Variants in EPHA10 observed in about 807,000 individuals in gnomAD.
EPHA10 encodes ephrin type-A receptor 10.
In EPHA10, 120 loss-of-function variants were observed where a neutral mutation model predicts 109.7. The observed-to-expected ratio is 1.09, with a 90% CI of 0.94 to 1.27. The LOEUF (loss-of-function observed/expected upper bound fraction) is 1.27. Among genes scored for constraint, EPHA10 ranks in the 50% most tolerant of loss-of-function variants. The probability of loss-of-function intolerance (pLI) is 0.00; values close to 1 mark genes in which losing one functional copy is unlikely to be tolerated. For missense variants in EPHA10, 1,396 were observed against 1,411.1 expected (o/e 0.99, Z 0.17); for synonymous variants, 640 against 618.9 (o/e 1.03, Z -0.51).
rs1268474857 is a variant in EPHA10, at chr1:37,762,041, G to A, written c.214C>T (p.Arg72Cys). 5.6e-6 allele frequency: 9 copies of A among 1,609,638 alleles called. No individual in the cohort carries two copies. Among genetic ancestry groups the A allele is most frequent in the Admixed American group, 5.0e-5 (3 of 59,644 alleles). Residue 72 changes from arginine (R) to cysteine (C), a missense_variant, in exon 3 of 17, where the codon CGC (arginine) becomes TGC (cysteine). Arg to Cys is a radical substitution (Grantham distance 180). Coordinates refer to ENST00000373048, the MANE Select transcript of EPHA10 (RefSeq NM_001099439.2). The part of the protein sequence containing the change: ...SGVDEHDRPI[R>C]TYQVCNVLEP... ...AGCACATTGCACACTTGGTACGTGC[G>A]GATGGGACGGTCGTGTTCATCCACG...
intron 10 of EPHA10, chr1:37,722,062 C>A: frequency 2.1e-6 from 1 of 477,228 alleles, no homozygotes. Flanking sequence ...ACCCAGGAGG[C>A]AGAGGTTTCA....
At chr1:37,762,293 A>G (rs1646440762) in intron 2 of EPHA10, among the ~76,000 whole-genome samples, 1 of 152,192 alleles carries the variant, frequency 6.6e-6, no homozygotes, top group South Asian at 2.1e-4. Flanking sequence ...GAGCGATCTG[A>G]CCAGGTATGC....
intron 8 of EPHA10, among the ~76,000 whole-genome samples, chr1:37,726,794 G>T (rs960190306): frequency 2.0e-5 from 3 of 152,238 alleles, no homozygotes; most frequent in Non-Finnish European, 4.4e-5. Context: ...CTCCTCCGGA[G>T]AATTCTAATC....
chr1:37,752,708 G>A (rs552794916), intron 5 of EPHA10, among the ~76,000 whole-genome samples, 168 bp downstream of exon 5: 15 of 151,448 alleles, frequency 9.9e-5, no homozygotes, highest in Non-Finnish European at 1.6e-4. Context: ...ACGCTGGGGC[G>A]TCCGGGGGGG....
intron 7 of EPHA10, among the ~76,000 whole-genome samples, chr1:37,728,640 C>T (rs1645933157): frequency 6.6e-6 from 1 of 151,992 alleles, no homozygotes; most frequent in Non-Finnish European, 1.5e-5. Context: ...TCTGCAGGGG[C>T]TGGATAGAGA....
rs542027058 is a variant in EPHA10 at position 37,716,287 on chromosome 1, G to A, written c.*2085C>T. On this transcript the variant is annotated 3_prime_UTR_variant, in exon 17 of 17. Coordinates refer to ENST00000373048, the MANE Select transcript of EPHA10 (RefSeq NM_001099439.2). Reference sequence around the variant, plus strand: ...CACCGAAGTCCTGCCAACACAGCCAGGGGCCCTTCTGCAGAAACAGCTGGG... The same window carrying A: ...CACCGAAGTCCTGCCAACACAGCCAAGGGCCCTTCTGCAGAAACAGCTGGG... 335 of 254,092 alleles carry A rather than the reference G, an allele frequency of 1.3e-3. 1 individual carries two copies. Among genetic ancestry groups the A allele is most frequent in the African/African-American group, 6.7e-3 (305 of 45,656 alleles). The allele number at this position is 254,092 out of a possible 1,614,324, so 15.7% of individuals were successfully genotyped here. A position where few individuals can be genotyped will look rare whatever the true frequency, so the allele number is the denominator to read the frequency against.
intron 3 of EPHA10, chr1:37,760,455 T>A: frequency 9.5e-7 from 1 of 1,054,282 alleles, no homozygotes. Flanking sequence ...AGCACAGTGA[T>A]TGTAGTTCAG....
intron 5 of EPHA10, among the ~76,000 whole-genome samples, chr1:37,740,557 G>A (rs1479572562): frequency 1.3e-5 from 2 of 152,106 alleles, no homozygotes; most frequent in African/African-American, 2.4e-5. Context: ...CGCCCACCCC[G>A]GCCTCCCAAA....
Position 37,716,026 on chromosome 1 carries a change from A to G in EPHA10, c.*2346T>C, listed in dbSNP as rs776200773. 8.7e-6 allele frequency: 5 copies of G among 577,158 alleles called. No individual in the cohort carries two copies. The highest frequency in any genetic ancestry group is 5.7e-4 in the Middle Eastern group (2 of 3,528). The allele number at this position is 577,158 out of a possible 1,614,324, so 35.8% of individuals were successfully genotyped here. Reference sequence around the variant, plus strand: ...CATAGAGAACCCAAGAAATATAAAAACATCTCCAGAAGGAACCCCCTCCGA... The same window carrying G: ...CATAGAGAACCCAAGAAATATAAAAGCATCTCCAGAAGGAACCCCCTCCGA... On this transcript the variant is annotated 3_prime_UTR_variant, in exon 17 of 17. Coordinates refer to ENST00000373048, the MANE Select transcript of EPHA10 (RefSeq NM_001099439.2).
Position 37,761,821 on chromosome 1 carries a change from C to A in EPHA10, c.434G>T (p.Gly145Val), listed in dbSNP as rs750283398. ...GTCGATTTTGCGGGGCCGGCTGCCGCCTAGGCGGGGACGCCCACGGCCCAG... is the reference window on the plus strand; with the variant it reads ...GTCGATTTTGCGGGGCCGGCTGCCGACTAGGCGGGGACGCCCACGGCCCAG... The part of the protein sequence containing the change: ...ADLGRGRPRL[G>V]GSRPRKIDTI... Residue 145 changes from glycine (G) to valine (V), a missense_variant, in exon 3 of 17, where the codon GGC becomes GTC. Gly to Val is a moderately radical substitution (Grantham distance 109). Transcript: ENST00000373048. 27 of 1,613,712 alleles carry A rather than the reference C, an allele frequency of 1.7e-5. No homozygotes were observed. The highest frequency in any genetic ancestry group is 1.7e-5 in the Admixed American group (1 of 60,014).
Position 37,719,317 on chromosome 1 carries a change from C to A in EPHA10, c.2756+97G>T, listed in dbSNP as rs923805913. ...AATGGGGTGAACAATTGCTCTTGGACAGGTGGGGTGGTGGAGGCGGTGGGT... is the reference window on the plus strand; with the variant it reads ...AATGGGGTGAACAATTGCTCTTGGAAAGGTGGGGTGGTGGAGGCGGTGGGT... On this transcript the variant is annotated intron_variant, in intron 15 of 16. Coordinates refer to ENST00000373048, the MANE Select transcript of EPHA10 (RefSeq NM_001099439.2). The A allele has an allele frequency of 2.9e-6, 4 of 1,386,926 alleles. No individual in the cohort carries two copies. The Admixed American group carries it at 8.3e-5, about 29-fold the overall frequency. 85.9% of individuals were successfully genotyped at this position (1,386,926 alleles called of 1,614,324 possible).
chr1:37,765,043 G>T lies in EPHA10; in HGVS notation c.24C>A (p.His8Gln). The T allele has an allele frequency of 6.2e-7, 1 of 1,606,716 alleles. No homozygotes were observed. Among genetic ancestry groups the T allele is most frequent in the South Asian group, 1.1e-5 (1 of 89,950 alleles). Residue 8 changes from histidine (H) to glutamine (Q), a missense_variant, in exon 1 of 17, where the codon CAC becomes CAA. His to Gln is a conservative substitution (Grantham distance 24). Coordinates refer to ENST00000373048, the MANE Select transcript of EPHA10 (RefSeq NM_001099439.2). ...TCCGGCAGAGGAAGAGGCGCAGCGG[G>T]TGTGGACCGGCGCAGGTCTCCATGG... The part of the protein sequence containing the change: METCAGP[H>Q]PLRLFLCRMQ...
At position 37,720,484 on chromosome 1, in the gene EPHA10, T is replaced by C. The variant is rs780026931; in HGVS notation, c.2279A>G (p.Tyr760Cys). 2.5e-6 allele frequency: 4 copies of C among 1,613,536 alleles called. No individual in the cohort carries two copies. The highest frequency in any genetic ancestry group is 4.5e-5 in the East Asian group (2 of 44,878). ...GTGAACGTAGCCCATCTCTGACAGA[T>C]ACTTCATGGCTGATGCCAGCCCAGG... is the stretch of plus-strand genomic sequence containing the variant. ...LLPGLASAMK[Y>C]LSEMGYVHRG... Residue 760 changes from tyrosine to cysteine, a missense_variant, in exon 13 of 17, where the codon TAT (tyrosine) becomes TGT (cysteine). By Grantham distance (194) the Tyr-to-Cys change is radical. Transcript: ENST00000373048.
At position 37,722,057 on chromosome 1, in the gene EPHA10, G is replaced by A. The variant is rs561269293; in HGVS notation, c.1961-212C>T. On this transcript the variant is annotated intron_variant, in intron 10 of 16. Transcript: ENST00000373048. Reference sequence around the variant, plus strand: ...GAGGCAGGAAAATCACTTGAACCCAGGAGGCAGAGGTTTCAGTGAGCTGAG... The same window carrying A: ...GAGGCAGGAAAATCACTTGAACCCAAGAGGCAGAGGTTTCAGTGAGCTGAG... 1.3e-4 allele frequency: 65 copies of A among 487,772 alleles called. No homozygotes were observed. In the South Asian group the frequency reaches 1.9e-3, roughly 14 times the overall value. The allele number at this position is 487,772 out of a possible 1,614,324, so 30.2% of individuals were successfully genotyped here. A position where few individuals can be genotyped will look rare whatever the true frequency, so the allele number is the denominator to read the frequency against.
chr1:37,745,701 T>A (rs868137213), intron 5 of EPHA10, among the ~76,000 whole-genome samples: 2 of 152,122 alleles, frequency 1.3e-5, no homozygotes, highest in Middle Eastern at 3.4e-3. Flanking sequence ...AATACAAATA[T>A]TAGCCAGGCG....
chr1:37,717,885 GC>G lies in EPHA10; in HGVS notation c.*486del, dbSNP rs1432469372. 8.4e-6 allele frequency: 2 copies of G among 238,608 alleles called. No individual in the cohort carries two copies. Among genetic ancestry groups the G allele is most frequent in the Non-Finnish European group, 1.7e-5 (2 of 121,100 alleles). 14.8% of individuals were successfully genotyped at this position (238,608 alleles called of 1,614,324 possible). On this transcript the variant is annotated 3_prime_UTR_variant, in exon 17 of 17. Transcript: ENST00000373048. ...ATGCACCTCTGGCCCAGCCCCCGAC[GC>G]CTGAGCCACCAGGCAGCTGCAGTCA... is the stretch of plus-strand genomic sequence containing the variant.
chr1:37,756,036 T>C (rs1381093391), intron 3 of EPHA10, among the ~76,000 whole-genome samples: 1 of 152,140 alleles, frequency 6.6e-6, no homozygotes, highest in Admixed American at 6.5e-5. Context: ...AGGGTCCATC[T>C]TGCCCAGAGT....
rs977701541 is a variant in EPHA10 at position 37,754,234 on chromosome 1, C to T, written c.987G>A (p.Pro329=). The change falls in exon 4 of 17, where the codon CCG becomes CCA. Residue 329 remains proline (P), a synonymous_variant. Coordinates refer to ENST00000373048, the MANE Select transcript of EPHA10 (RefSeq NM_001099439.2). This position sits in a 1 kb window ranked among gnomAD's most constrained non-coding sequence, Gnocchi z 4.5. Reference sequence around the variant, plus strand: ...ACTCACGGGTGCAGGAAGCCGAGGGCGGGTCGGTGGGTGAGCGCGCATAGC... The same window carrying T: ...ACTCACGGGTGCAGGAAGCCGAGGGTGGGTCGGTGGGTGAGCGCGCATAGC... ...QDSYARSPTD[P]PSASCTRPPS... 5.4e-6 allele frequency: 7 copies of T among 1,307,866 alleles called. No individual in the cohort carries two copies. The highest frequency in any genetic ancestry group is 5.9e-6 in the Non-Finnish European group (6 of 1,022,030). The allele number at this position is 1,307,866 out of a possible 1,614,324, so 81.0% of individuals were successfully genotyped here. A position where few individuals can be genotyped will look rare whatever the true frequency, so the allele number is the denominator to read the frequency against.
chr1:37,764,980 C>T lies in EPHA10; in HGVS notation c.87G>A (p.Arg29=). Residue 29 remains arginine (R), a synonymous_variant, in exon 1 of 17, where the codon CGG becomes CGA. Transcript: ENST00000373048. The surrounding 1 kb of genome is among the most constrained non-coding windows in gnomAD (Gnocchi z 5.8). The part of the protein sequence containing the change: ...LCLALLLGPW[R]PGTAEEVILL... Reference sequence around the variant, plus strand: ...TCTCACCTTCCTCGGCGGTCCCAGGCCGCCAGGGTCCCAAAAGCAGCGCGA... The same window carrying T: ...TCTCACCTTCCTCGGCGGTCCCAGGTCGCCAGGGTCCCAAAAGCAGCGCGA... The T allele has an allele frequency of 6.2e-7, 1 of 1,609,156 alleles. No individual in the cohort carries two copies. Among genetic ancestry groups the T allele is most frequent in the Non-Finnish European group, 8.5e-7 (1 of 1,178,616 alleles).
Sources: gnomAD v4.1 joint callset for allele counts (sites outside exome capture counted in the v4.1 genomes callset) on GRCh38, gnomAD v4.1.1 for gene constraint, Gnocchi (gnomAD v3.1) non-coding constraint, MANE v1.5 for transcripts, NCBI Gene and HGNC (gene_info 2026-07-23, HGNC 2026-07-21) for gene names.